PRPS1: variants seen among roughly 807,000 people sequenced by gnomAD.
The protein encoded by PRPS1 is ribose-phosphate pyrophosphokinase 1.
PRPS1 carries 1 observed loss-of-function variant against 16.9 expected under a neutral mutation model. That is an observed-to-expected ratio of 0.06 (90% CI 0.02 to 0.28). The LOEUF is 0.28. Ranked by LOEUF, PRPS1 falls within the 10% of genes least tolerant of loss-of-function variation. The pLI is 1.00. For synonymous variants in PRPS1, 70 were observed against 90.2 expected (o/e 0.78, Z 1.27); for missense variants, 47 against 254.0 (o/e 0.19, Z 5.54).
In PRPS1 at chrX:107,639,286, T is replaced by G; in HGVS notation, c.123-9T>G. ...AATCTATTTCATGTTCTTTCTTTCCTCATTGTAGTGTGGAAATTGGTGAAA... is the reference window on the plus strand; with the variant it reads ...AATCTATTTCATGTTCTTTCTTTCCGCATTGTAGTGTGGAAATTGGTGAAA... On this transcript the variant is annotated splice_polypyrimidine_tract_variant and intron_variant, in intron 1 of 6. Coordinates refer to ENST00000372435, the MANE Select transcript of PRPS1 (RefSeq NM_002764.4). 1 of 1,208,258 alleles carries G rather than the reference T, an allele frequency of 8.3e-7. No homozygotes were observed. Among genetic ancestry groups the G allele is most frequent in the Non-Finnish European group, 1.1e-6 (1 of 892,292 alleles).
chrX:107,637,091 C>T (rs1344295532), intron 1 of PRPS1, among the ~76,000 whole-genome samples: 3 of 112,338 alleles, frequency 2.7e-5, no homozygotes, highest in African/African-American at 6.5e-5. Context: ...TGAGGTATCA[C>T]TAAGGTGATT....
Position 107,628,534 on chromosome X carries a change from G to C in PRPS1, c.-95G>C. The C allele has an allele frequency of 1.7e-6, 2 of 1,195,814 alleles. No homozygotes were observed. On this transcript the variant is annotated 5_prime_UTR_variant, in exon 1 of 7. Coordinates refer to ENST00000372435, the MANE Select transcript of PRPS1 (RefSeq NM_002764.4). ...GAATGTAAGATGGCGGAGTAGCAAC[G>C]CAAAGCGCTTGGTATTGAGTCTGTG...
intron 2 of PRPS1, among the ~76,000 whole-genome samples, chrX:107,640,699 T>C (rs1258762776): frequency 8.9e-6 from 1 of 112,430 alleles, no homozygotes; most frequent in African/African-American, 3.2e-5. Flanking sequence ...AAGTGTATCC[T>C]GATTTGGAAA....
chrX:107,636,180 C>T (rs959241833), intron 1 of PRPS1, among the ~76,000 whole-genome samples: 11 of 110,883 alleles, frequency 9.9e-5, no homozygotes, highest in Non-Finnish European at 1.7e-4. Context: ...TGGAGTGCAG[C>T]GGCTTCATCT....
chrX:107,649,872 T>A lies in PRPS1; in HGVS notation c.865-68T>A. The A allele has an allele frequency of 2.5e-6, 3 of 1,211,012 alleles. No homozygotes were observed. The South Asian group carries it at 5.3e-5, about 21-fold the overall frequency. On this transcript the variant is annotated intron_variant, in intron 6 of 6. Transcript: ENST00000372435. ...GGGCACTTGCCTGGCTGCTCATCAG[T>A]GTCTGCAAATTGGCCAGTCATCTCT...
intron 4 of PRPS1, 28 bp from the exon 5 acceptor site, chrX:107,645,149 A>C: frequency 8.3e-7 from 1 of 1,210,220 alleles, no homozygotes; most frequent in Non-Finnish European, 1.1e-6. Flanking sequence ...GAAGCCACAC[A>C]TACATATGAA....
chrX:107,636,716 G>A (rs1321941915), intron 1 of PRPS1: 1 of 111,899 alleles, frequency 8.9e-6, no homozygotes, highest in Non-Finnish European at 1.9e-5. Context: ...TTCATCTTGG[G>A]TTAGAAAGGA....
At chrX:107,648,837 G>A (rs189840949) in intron 6 of PRPS1, among the ~76,000 whole-genome samples, 162 of 110,817 alleles carry the variant, frequency 1.5e-3, no homozygotes, top group African/African-American at 5.1e-3. Flanking sequence ...TCAGCTCACC[G>A]CAACCTCAGC....
chrX:107,647,847 C>A, intron 6 of PRPS1, 82 bp downstream of exon 6: 1 of 1,027,894 alleles, frequency 9.7e-7, no homozygotes, highest in Non-Finnish European at 1.4e-6. Flanking sequence ...TCTCTGGATT[C>A]TGAAGATATC....
chrX:107,642,404 G>A lies in PRPS1; in HGVS notation c.444G>A (p.Glu148=), dbSNP rs201285459. Residue 148 remains glutamate, a synonymous_variant, in exon 4 of 7, where the codon GAG becomes GAA. Transcript: ENST00000372435. ...TCCCAGTAGACAATTTGTATGCAGA[G>A]CCGGCTGTCCTAAAGTGGATAAGGG... ...FDIPVDNLYA[E]PAVLKWIREN... is the part of the protein sequence containing the mutation. The A allele has an allele frequency of 4.5e-5, 54 of 1,210,210 alleles. No individual in the cohort carries two copies. In the East Asian group the frequency reaches 1.6e-3, roughly 36 times the overall value.
At chrX:107,642,866 T>C (rs1417658757) in intron 4 of PRPS1, among the ~76,000 whole-genome samples, 1 of 112,221 alleles carries the variant, frequency 8.9e-6, no homozygotes, top group African/African-American at 3.2e-5. Flanking sequence ...TACACTCCTC[T>C]TACAATGCTG....
intron 1 of PRPS1, among the ~76,000 whole-genome samples, chrX:107,636,275 C>A (rs1418343959): frequency 9.1e-6 from 1 of 109,487 alleles, no homozygotes; most frequent in African/African-American, 3.3e-5. Context: ...GATGCATGTC[C>A]CCACGCCTAA....
At position 107,647,537 on chromosome X, in the gene PRPS1, T is replaced by A. The variant is rs1430271802; in HGVS notation, c.705-69T>A. On this transcript the variant is annotated intron_variant, in intron 5 of 6. Coordinates refer to ENST00000372435, the MANE Select transcript of PRPS1 (RefSeq NM_002764.4). ...TTGTGGAAGCCTAAGCAGGCTAATATACTCCTCCCTGACTAAAATTCTGCA... is the reference window on the plus strand; with the variant it reads ...TTGTGGAAGCCTAAGCAGGCTAATAAACTCCTCCCTGACTAAAATTCTGCA... The A allele has an allele frequency of 1.1e-5, 12 of 1,102,075 alleles. No individual in the cohort carries two copies. In the East Asian group the frequency reaches 3.6e-4, roughly 33 times the overall value. 90.8% of individuals were successfully genotyped at this position (1,102,075 alleles called of 1,213,427 possible). A position where few individuals can be genotyped will look rare whatever the true frequency, so the allele number is the denominator to read the frequency against.
At chrX:107,632,629 A>G (rs1021439062) in intron 1 of PRPS1, among the ~76,000 whole-genome samples, 5 of 112,752 alleles carry the variant, frequency 4.4e-5, no homozygotes, top group Admixed American at 1.9e-4. Context: ...CACTCCATTA[A>G]CTAGAGGGAG....
Position 107,642,383 on chromosome X carries a change from A to G in PRPS1, c.423A>G (p.Pro141=). The G allele has an allele frequency of 8.3e-7, 1 of 1,212,059 alleles. No individual in the cohort carries two copies. The highest frequency in any genetic ancestry group is 3.0e-5 in the East Asian group (1 of 33,867). The change falls in exon 4 of 7, where the codon CCA becomes CCG. Residue 141 remains proline (P), a synonymous_variant. Coordinates refer to ENST00000372435, the MANE Select transcript of PRPS1 (RefSeq NM_002764.4). Reference sequence around the variant, plus strand: ...TTCTACAGGGCTTTTTTGATATCCCAGTAGACAATTTGTATGCAGAGCCGG... The same window carrying G: ...TTCTACAGGGCTTTTTTGATATCCCGGTAGACAATTTGTATGCAGAGCCGG... ...ASQIQGFFDI[P]VDNLYAEPAV...
chrX:107,638,702 C>T (rs1454022069), intron 1 of PRPS1, among the ~76,000 whole-genome samples: 1 of 110,754 alleles, frequency 9.0e-6, no homozygotes, highest in Admixed American at 9.7e-5. Context: ...AGTGCTGAGC[C>T]ACCATGCCAG....
intron 5 of PRPS1, among the ~76,000 whole-genome samples, chrX:107,646,059 A>G (rs372095229): frequency 1.2e-3 from 131 of 110,617 alleles, no homozygotes; most frequent in African/African-American, 3.9e-3. Context: ...ATTACTAACA[A>G]TCCAAGCCAC....
chrX:107,649,011 G>A (rs1019697692), intron 6 of PRPS1, among the ~76,000 whole-genome samples: 108 of 110,806 alleles, frequency 9.7e-4, no homozygotes, highest in African/African-American at 3.3e-3. Context: ...CGTCCACCTC[G>A]GCCTCCCAAA....
At chrX:107,641,231 C>A (rs775783311) in intron 3 of PRPS1, 9 of 876,130 alleles carry the variant, frequency 1.0e-5, no homozygotes, top group Non-Finnish European at 1.4e-5. Flanking sequence ...TGAATAAAGG[C>A]TCTGGTATTT....
Sources: gnomAD v4.1 joint callset for allele counts (sites outside exome capture counted in the v4.1 genomes callset) on GRCh38, gnomAD v4.1.1 for gene constraint, MANE v1.5 for transcripts, NCBI Gene and HGNC (gene_info 2026-07-23, HGNC 2026-07-21) for gene names.